The following CELF2 variants were observed in gnomAD, a reference collection of about 807,000 sequenced individuals.
CELF2 encodes the protein CUGBP Elav-like family member 2, also known as CUG triplet repeat RNA-binding protein 2.
In CELF2, 8 loss-of-function variants were observed where a neutral mutation model predicts 62.6. That is an observed-to-expected ratio of 0.13 (90% confidence interval 0.07 to 0.23). CELF2 has a LOEUF of 0.23. Ranked by LOEUF, CELF2 falls within the 10% of genes least tolerant of loss-of-function variation. CELF2 has a pLI of 1.00. For missense variants in CELF2, 333 were observed against 671.0 expected (o/e 0.50, Z 5.56); for synonymous variants, 258 against 250.0 (o/e 1.03, Z -0.30).
At chr10:10,776,981 C>T in the CELF2 span, among the ~76,000 whole-genome samples, 1 of 152,236 alleles carries the variant, frequency 6.6e-6, no homozygotes, top group Non-Finnish European at 1.5e-5. Flanking sequence ...TCACTCCCTT[C>T]TTTTATAAAT....
At chr10:11,038,631 A>G (rs2061345157) in intron 1 of CELF2, among the ~76,000 whole-genome samples, 1 of 152,232 alleles carries the variant, frequency 6.6e-6, no homozygotes, top group African/African-American at 2.4e-5. Flanking sequence ...AATGAATTCT[A>G]GAAGGAAAAT....
intron 1 of CELF2, among the ~76,000 whole-genome samples, chr10:11,038,142 C>G (rs1235781221): frequency 2.0e-5 from 3 of 152,240 alleles, no homozygotes; most frequent in Non-Finnish European, 4.4e-5. Flanking sequence ...TTGTGTCCCA[C>G]TGTTCCCTGG....
the CELF2 span, among the ~76,000 whole-genome samples, chr10:10,629,813 T>G: frequency 1.4e-5 from 2 of 143,698 alleles, no homozygotes; most frequent in Non-Finnish European, 3.0e-5. Flanking sequence ...TGTCATGTTA[T>G]GTAGTAGTTT....
chr10:11,194,106 G>T (rs914934771), intron 2 of CELF2, among the ~76,000 whole-genome samples: 2 of 151,662 alleles, frequency 1.3e-5, no homozygotes, highest in Non-Finnish European at 2.9e-5. Flanking sequence ...TCACTCTGTC[G>T]CCAGGCTGGA....
At chr10:11,005,261 A>AGG, upstream of CELF2, 1 of 1,025,894 alleles carries the variant, frequency 9.7e-7, no homozygotes, top group Non-Finnish European at 1.3e-6. The surrounding 1 kb of genome is among the most constrained non-coding windows in gnomAD (Gnocchi z 4.3). Context: ...AGAGGGAGAG[A>AGG]GAGAGAGAGA....
At chr10:10,877,546 A>G (rs1176804736) in intron 1 of CELF2, among the ~76,000 whole-genome samples, 1 of 152,222 alleles carries the variant, frequency 6.6e-6, no homozygotes, top group Non-Finnish European at 1.5e-5. Context: ...CAGGGGAGTG[A>G]CTTTGAATAG....
chr10:10,545,401 C>T, the CELF2 span, among the ~76,000 whole-genome samples: 87 of 152,190 alleles, frequency 5.7e-4, no homozygotes, highest in African/African-American at 2.0e-3. Flanking sequence ...TGGATTTCTG[C>T]CTACAATCAA....
intron 1 of CELF2, among the ~76,000 whole-genome samples, chr10:10,844,675 T>C (rs931012368): frequency 1.3e-5 from 2 of 152,146 alleles, no homozygotes; most frequent in African/African-American, 4.8e-5. Context: ...TTCTCTCTAG[T>C]TATTCTTTGG....
At chr10:10,545,544 G>C in the CELF2 span, among the ~76,000 whole-genome samples, 1 of 152,248 alleles carries the variant, frequency 6.6e-6, no homozygotes, top group South Asian at 2.1e-4. Context: ...CATTATTCTG[G>C]AAAATGCGGC....
chr10:10,498,282 C>G, the CELF2 span, among the ~76,000 whole-genome samples: 2 of 152,188 alleles, frequency 1.3e-5, 1 homozygote, highest in South Asian at 4.1e-4. Flanking sequence ...AAGTTAGACA[C>G]TATGCAGACT....
the CELF2 span, among the ~76,000 whole-genome samples, chr10:10,564,470 AAG>A: frequency 6.6e-6 from 1 of 152,122 alleles, no homozygotes; most frequent in African/African-American, 2.4e-5. Context: ...CACACCTGTG[AAG>A]ATATGTTTTA....
intron 1 of CELF2, among the ~76,000 whole-genome samples, chr10:10,862,893 T>G (rs185965389): frequency 3.3e-5 from 5 of 152,300 alleles, no homozygotes; most frequent in Admixed American, 2.0e-4. Flanking sequence ...CTGTCAATAG[T>G]GTTCTGCTCT....
At chr10:10,752,796 C>T in the CELF2 span, among the ~76,000 whole-genome samples, 1 of 102,358 alleles carries the variant, frequency 9.8e-6, no homozygotes, top group African/African-American at 3.8e-5. Context: ...AGCAAAATAC[C>T]GGTAGTAAAA....
At chr10:10,620,146 C>T in the CELF2 span, among the ~76,000 whole-genome samples, 88 of 152,250 alleles carry the variant, frequency 5.8e-4, 1 homozygote, top group Middle Eastern at 3.4e-3. Context: ...ACCCACAGGC[C>T]GAATTTGGCC....
chr10:10,889,618 T>C (rs1162882279), intron 1 of CELF2, among the ~76,000 whole-genome samples: 1 of 152,232 alleles, frequency 6.6e-6, no homozygotes, highest in African/African-American at 2.4e-5. Context: ...AGTCTGACTT[T>C]TGCTTTCTAA....
chr10:11,288,309 GT>G, intron 8 of CELF2, 108 bp from the exon 9 acceptor site: 1 of 1,392,196 alleles, frequency 7.2e-7, no homozygotes, highest in Admixed American at 2.1e-5. Context: ...CTTGCACAGG[GT>G]CGTCTGCTCT....
intron 1 of CELF2, among the ~76,000 whole-genome samples, chr10:11,056,620 T>C (rs1398538936): frequency 6.6e-6 from 1 of 152,174 alleles, no homozygotes; most frequent in African/African-American, 2.4e-5. Context: ...GATTATAAAT[T>C]TTAAGAGTAG....
intron 1 of CELF2, among the ~76,000 whole-genome samples, chr10:10,829,215 G>A (rs982361234): frequency 3.9e-5 from 6 of 152,100 alleles, no homozygotes; most frequent in Admixed American, 1.3e-4. Flanking sequence ...CTTCTTCTCC[G>A]CTTTTGATCC....
At chr10:10,954,608 T>C (rs538730882) in intron 2 of CELF2, among the ~76,000 whole-genome samples, 2 of 152,296 alleles carry the variant, frequency 1.3e-5, no homozygotes, top group East Asian at 3.9e-4. Context: ...ATTCCACTTC[T>C]AGGAATTTGT....
Sources: gnomAD v4.1 joint callset for allele counts (sites outside exome capture counted in the v4.1 genomes callset) on GRCh38, gnomAD v4.1.1 for gene constraint, Gnocchi (gnomAD v3.1) non-coding constraint, MANE v1.5 for transcripts, NCBI Gene and HGNC (gene_info 2026-07-23, HGNC 2026-07-21) for gene names.